The following RANBP3L variants were observed in gnomAD, a reference collection of about 807,000 sequenced individuals.
RANBP3L encodes the protein ran-binding protein 3-like.
A neutral mutation model predicts 67.2 loss-of-function variants in RANBP3L; 56 were observed. The ratio of observed to expected loss-of-function variants is 0.83; its 90% CI spans 0.67 to 1.04. The LOEUF (loss-of-function observed/expected upper bound fraction) is 1.04. Ranked by LOEUF, RANBP3L falls within the 50% of genes least tolerant of loss-of-function variation. RANBP3L has a pLI of 0.00. For synonymous variants in RANBP3L, 164 were observed against 181.4 expected (o/e 0.90, Z 0.77); for missense variants, 496 against 535.5 (o/e 0.93, Z 0.73).
intron 1 of RANBP3L, among the ~76,000 whole-genome samples, chr5:36,277,227 C>T (rs992938906): frequency 2.0e-5 from 3 of 152,058 alleles, no homozygotes; most frequent in Non-Finnish European, 4.4e-5. Flanking sequence ...ATTTCTGCTC[C>T]TTGTGCACTG....
chr5:36,263,151 A>G (rs1161147368), intron 6 of RANBP3L, among the ~76,000 whole-genome samples: 1 of 152,162 alleles, frequency 6.6e-6, no homozygotes, highest in Non-Finnish European at 1.5e-5. Flanking sequence ...TCAAAGATCA[A>G]TAAATGGAAA....
chr5:36,257,302 C>T (rs10214173), intron 9 of RANBP3L, 152 bp downstream of exon 9: 428,426 of 472,558 alleles, frequency 0.91, 197,850 homozygotes, highest in Non-Finnish European at 0.97. Flanking sequence ...TATGCTTTAA[C>T]CTTTACCAAA....
chr5:36,249,475 T>C lies in RANBP3L; in HGVS notation c.*179A>G. 2.6e-6 allele frequency: 1 copy of C among 379,312 alleles called. No individual in the cohort carries two copies. The highest frequency in any genetic ancestry group is 4.0e-5 in the East Asian group (1 of 25,026). 23.5% of individuals were successfully genotyped at this position (379,312 alleles called of 1,614,324 possible). A position where few individuals can be genotyped will look rare whatever the true frequency, so the allele number is the denominator to read the frequency against. ...TTAAATTCTGTCAGTTTCTGCACAA[T>C]AATCAAAATGTAAAATGTAAAACAT... On this transcript the variant is annotated 3_prime_UTR_variant, in exon 14 of 14. Transcript: ENST00000296604.
intron 2 of RANBP3L, among the ~76,000 whole-genome samples, chr5:36,270,728 C>CTTCA (rs1295863027): frequency 6.6e-6 from 1 of 152,110 alleles, no homozygotes; most frequent in Non-Finnish European, 1.5e-5. Context: ...GAACCCCAGG[C>CTTCA]TTCAAACAGT....
intron 10 of RANBP3L, 100 bp from the exon 11 acceptor site, chr5:36,255,690 C>A (rs1748923942): frequency 1.5e-6 from 1 of 654,106 alleles, no homozygotes; most frequent in Non-Finnish European, 2.4e-6. Flanking sequence ...AGTCTTTTAC[C>A]AAAATAATCT....
chr5:36,294,425 A>C (rs1033601975), intron 1 of RANBP3L, among the ~76,000 whole-genome samples: 2 of 151,226 alleles, frequency 1.3e-5, no homozygotes, highest in African/African-American at 2.4e-5. Context: ...GATTTTAGTT[A>C]TTTCTTGCCC....
At chr5:36,283,625 C>A (rs2112033258) in intron 1 of RANBP3L, among the ~76,000 whole-genome samples, 1 of 152,030 alleles carries the variant, frequency 6.6e-6, no homozygotes, top group Admixed American at 6.6e-5. Context: ...TGAATACAGC[C>A]AATCGTAGAC....
intron 1 of RANBP3L, among the ~76,000 whole-genome samples, chr5:36,291,383 G>A (rs1001824684): frequency 1.4e-5 from 2 of 146,038 alleles, no homozygotes; most frequent in African/African-American, 5.1e-5. Flanking sequence ...TTCAGTTTTA[G>A]CTGTATCTTA....
chr5:36,251,014 ATAAGT>A (rs1748549274), intron 13 of RANBP3L, among the ~76,000 whole-genome samples: 1 of 152,100 alleles, frequency 6.6e-6, no homozygotes, highest in African/African-American at 2.4e-5. Flanking sequence ...TAAAATGAAA[ATAAGT>A]GAAGAGAAAT....
At chr5:36,279,697 G>A (rs1346945190) in intron 1 of RANBP3L, among the ~76,000 whole-genome samples, 2 of 152,076 alleles carry the variant, frequency 1.3e-5, no homozygotes, top group Non-Finnish European at 2.9e-5. Flanking sequence ...TGAAGTAAAA[G>A]GGTAGGAACA....
intron 6 of RANBP3L, among the ~76,000 whole-genome samples, chr5:36,262,509 T>C (rs1749469548): frequency 6.6e-6 from 1 of 152,194 alleles, no homozygotes; most frequent in Non-Finnish European, 1.5e-5. Flanking sequence ...AATTTTCAAC[T>C]AGTAACTTAT....
intron 4 of RANBP3L, among the ~76,000 whole-genome samples, chr5:36,267,641 T>C (rs1749904782): frequency 6.6e-6 from 1 of 152,240 alleles, no homozygotes. Context: ...GGCAATTGAT[T>C]GTTTAGTAGA....
At chr5:36,259,013 T>C (rs918026931) in intron 8 of RANBP3L, among the ~76,000 whole-genome samples, 4 of 152,248 alleles carry the variant, frequency 2.6e-5, no homozygotes, top group African/African-American at 9.6e-5. Context: ...TTGAGTTGAA[T>C]GTTAAGTTGA....
chr5:36,281,523 C>T (rs11741164), intron 1 of RANBP3L, among the ~76,000 whole-genome samples: 57,000 of 151,990 alleles, frequency 0.38, 12,668 homozygotes, highest in Middle Eastern at 0.51. Flanking sequence ...AGTTAAACGA[C>T]TATTTTACAG....
intron 1 of RANBP3L, among the ~76,000 whole-genome samples, chr5:36,297,798 C>A (rs1297217267): frequency 6.6e-6 from 1 of 152,158 alleles, no homozygotes; most frequent in African/African-American, 2.4e-5. Context: ...TAGTAAACTC[C>A]ACGTGGACAG....
At chr5:36,261,851 G>C (rs1749414344) in intron 7 of RANBP3L, 88 bp downstream of exon 7, 3 of 671,326 alleles carry the variant, frequency 4.5e-6, no homozygotes, top group Non-Finnish European at 5.2e-6. Context: ...ATCCGTACAA[G>C]GTCAGAAAAT....
At chr5:36,252,781 C>T (rs926338691) in intron 12 of RANBP3L, among the ~76,000 whole-genome samples, 2 of 151,992 alleles carry the variant, frequency 1.3e-5, no homozygotes, top group Non-Finnish European at 2.9e-5. Flanking sequence ...AAATGGTAAA[C>T]GGGGTTTGTA....
rs1049300691 is a variant in RANBP3L, at chr5:36,270,517, T to A, written c.151-527A>T. On this transcript the variant is annotated intron_variant, in intron 2 of 13. Transcript: ENST00000296604. The stretch of plus-strand genomic sequence containing the variant: ...GTTTTTTGTTTGTTTAGAGATGAGG[T>A]CTTTTTCTGTCACCCAGGCTGCAGT... 6.6e-5 allele frequency among the ~76,000 whole-genome samples: 10 copies of A among 152,094 alleles called. 1 individual carries two copies. The highest frequency in any genetic ancestry group is 5.2e-4 in the Admixed American group (8 of 15,284).
intron 1 of RANBP3L, among the ~76,000 whole-genome samples, chr5:36,291,390 CTTAT>C (rs895463232): frequency 1.1e-4 from 16 of 145,090 alleles, no homozygotes; most frequent in African/African-American, 4.1e-4. Flanking sequence ...TTAGCTGTAT[CTTAT>C]TTATTTTTAT....
Sources: allele counts gnomAD v4.1 joint callset (sites outside exome capture counted in the v4.1 genomes callset), GRCh38; gene constraint gnomAD v4.1.1; transcripts MANE v1.5; gene names NCBI Gene and HGNC (gene_info 2026-07-23, HGNC 2026-07-21).